SAMMSON: variants seen among roughly 807,000 people sequenced by gnomAD.
SAMMSON encodes long intergenic non-protein coding RNA 1212.
At chr3:70,257,901 G>A (rs1242411767) in intron 6 of SAMMSON, among the ~76,000 whole-genome samples, 2 of 152,120 alleles carry the variant, frequency 1.3e-5, no homozygotes, top group African/African-American at 4.8e-5. Context: ...TAATAATCAT[G>A]ACAGCATGGT....
At chr3:70,158,173 A>G (rs1004126617) in intron 4 of SAMMSON, among the ~76,000 whole-genome samples, 7 of 152,034 alleles carry the variant, frequency 4.6e-5, no homozygotes, top group South Asian at 2.1e-4. Flanking sequence ...TCATCCTGGC[A>G]TGATTCCTCA....
At chr3:70,200,846 G>T (rs563820019) in intron 4 of SAMMSON, among the ~76,000 whole-genome samples, 1 of 151,712 alleles carries the variant, frequency 6.6e-6, no homozygotes, top group Non-Finnish European at 1.5e-5. Context: ...CTGTAAGATC[G>T]TAGAGCAGAG....
intron 6 of SAMMSON, among the ~76,000 whole-genome samples, chr3:70,286,733 C>A (rs1366390526): frequency 1.3e-5 from 2 of 152,088 alleles, no homozygotes; most frequent in East Asian, 1.9e-4. Context: ...CTTTTATTTC[C>A]TTGAGCAGTG....
At chr3:70,229,084 A>C (rs1367532850) in intron 4 of SAMMSON, among the ~76,000 whole-genome samples, 1 of 152,210 alleles carries the variant, frequency 6.6e-6, no homozygotes, top group Non-Finnish European at 1.5e-5. Flanking sequence ...TGAACCAATA[A>C]CTGAATTTTG....
chr3:70,368,407 A>G (rs1702937831), intron 9 of SAMMSON, among the ~76,000 whole-genome samples: 1 of 151,680 alleles, frequency 6.6e-6, no homozygotes, highest in Admixed American at 6.6e-5. Context: ...GAAATATTCT[A>G]AAACATTAAC....
chr3:70,013,710 A>G (rs944387220), intron 3 of SAMMSON: 2 of 152,150 alleles, frequency 1.3e-5, no homozygotes, highest in Non-Finnish European at 2.9e-5. Context: ...TAAAACACAC[A>G]TGGATGTATT....
chr3:70,108,523 C>T (rs911976371), intron 4 of SAMMSON, among the ~76,000 whole-genome samples: 1 of 147,306 alleles, frequency 6.8e-6, no homozygotes, highest in Non-Finnish European at 1.5e-5. Flanking sequence ...AAAGCCACAT[C>T]GCACAGGCTG....
At chr3:70,039,157 A>G (rs2067096984) in intron 3 of SAMMSON, among the ~76,000 whole-genome samples, 1 of 152,178 alleles carries the variant, frequency 6.6e-6, no homozygotes, top group African/African-American at 2.4e-5. Context: ...AAACTGCACC[A>G]CTGAGTACTT....
chr3:70,102,324 A>T (rs1376836525), intron 4 of SAMMSON, among the ~76,000 whole-genome samples: 1 of 152,216 alleles, frequency 6.6e-6, no homozygotes, highest in Non-Finnish European at 1.5e-5. Context: ...TGTGAGGAAT[A>T]TCTGTTCATC....
At chr3:70,041,333 G>A (rs1216306579) in intron 3 of SAMMSON, among the ~76,000 whole-genome samples, 1 of 152,070 alleles carries the variant, frequency 6.6e-6, no homozygotes, top group Non-Finnish European at 1.5e-5. Flanking sequence ...AAATCACTTT[G>A]TCTAACGTAT....
At chr3:70,063,499 CTTCTT>C (rs2067198352) in intron 3 of SAMMSON, among the ~76,000 whole-genome samples, 1 of 152,082 alleles carries the variant, frequency 6.6e-6, no homozygotes. Context: ...ATCAGCTTCT[CTTCTT>C]TTAGGTAGGA....
chr3:70,050,982 A>G (rs1576108957), intron 3 of SAMMSON, among the ~76,000 whole-genome samples: 4 of 151,660 alleles, frequency 2.6e-5, no homozygotes, highest in Admixed American at 2.6e-4. Flanking sequence ...CTAAAAATAC[A>G]AAAATTAGCC....
At chr3:70,279,583 T>C (rs547193657) in intron 6 of SAMMSON, among the ~76,000 whole-genome samples, 1 of 152,288 alleles carries the variant, frequency 6.6e-6, no homozygotes, top group East Asian at 1.9e-4. Context: ...GAGCTCCCAG[T>C]CCAGACGGAA....
intron 4 of SAMMSON, among the ~76,000 whole-genome samples, chr3:70,090,466 A>G (rs2067301062): frequency 6.6e-6 from 1 of 152,240 alleles, no homozygotes; most frequent in Admixed American, 6.5e-5. Flanking sequence ...TTTTTAAGAT[A>G]TAGTTTGAAT....
chr3:70,138,375 G>T (rs1559521560), intron 4 of SAMMSON, among the ~76,000 whole-genome samples: 1 of 152,210 alleles, frequency 6.6e-6, no homozygotes, highest in Non-Finnish European at 1.5e-5. Flanking sequence ...GGGACTGGCA[G>T]ATTCAGAGAC....
chr3:70,112,028 C>A (rs2067391782), intron 4 of SAMMSON, among the ~76,000 whole-genome samples: 1 of 152,118 alleles, frequency 6.6e-6, no homozygotes, highest in Admixed American at 6.5e-5. Flanking sequence ...AGAAAAGCTA[C>A]ATTATAGTTG....
chr3:70,347,970 G>A, intron 7 of SAMMSON, among the ~76,000 whole-genome samples: 1 of 152,192 alleles, frequency 6.6e-6, no homozygotes, highest in Non-Finnish European at 1.5e-5. Context: ...TTGAACCCAG[G>A]AGGCGGAGGT....
chr3:70,372,815 C>A (rs1339268545), intron 9 of SAMMSON, among the ~76,000 whole-genome samples: 1 of 152,124 alleles, frequency 6.6e-6, no homozygotes, highest in East Asian at 1.9e-4. Flanking sequence ...CTTTGTATAA[C>A]TCTTCTAGCA....
At chr3:70,224,933 C>T (rs1295088096) in intron 4 of SAMMSON, among the ~76,000 whole-genome samples, 1 of 152,004 alleles carries the variant, frequency 6.6e-6, no homozygotes. Flanking sequence ...TGTGGTGAAA[C>T]AGATTCATTA....
Sources: allele counts gnomAD v4.1 joint callset (sites outside exome capture counted in the v4.1 genomes callset), GRCh38; gene constraint gnomAD v4.1.1; transcripts MANE v1.5; gene names NCBI Gene and HGNC (gene_info 2026-07-23, HGNC 2026-07-21).